Variants in ORAI2 observed in about 807,000 individuals in gnomAD.
ORAI2 encodes ORAI calcium release-activated calcium modulator 2, also known as protein orai-2.
A neutral mutation model predicts 16.2 loss-of-function variants in ORAI2; 10 were observed. The ratio of observed to expected loss-of-function variants is 0.62; its 90% CI spans 0.38 to 1.04. The LOEUF (loss-of-function observed/expected upper bound fraction) is 1.04, where lower values mean the gene tolerates loss of function less well. Among genes scored for constraint, ORAI2 ranks in the 50% least tolerant of loss-of-function variants. ORAI2 has a pLI of 0.01. For missense variants in ORAI2, 238 were observed against 355.5 expected (o/e 0.67, Z 2.66); for synonymous variants, 150 against 157.5 (o/e 0.95, Z 0.35).
rs1043811879 is a variant in ORAI2, at chr7:102,456,078, G to A, written c.*9026G>A. The stretch of plus-strand genomic sequence containing the variant: ...CATTTTGTCCCATAGTGGTGGGAGA[G>A]AGGGCTGGCCACATGGGTCCAGGCC... On this transcript the variant is annotated 3_prime_UTR_variant, in exon 4 of 4. Coordinates refer to ENST00000495936, the MANE Select transcript of ORAI2 (RefSeq NM_001126340.3). 1 of 153,470 alleles carries A rather than the reference G, an allele frequency of 6.5e-6. No homozygotes were observed. The highest frequency in any genetic ancestry group is 1.5e-5 in the Non-Finnish European group (1 of 68,060). The allele number at this position is 153,470 out of a possible 1,614,324, so 9.5% of individuals were successfully genotyped here.
At chr7:102,441,566 C>A (rs1300509241) in intron 3 of ORAI2, among the ~76,000 whole-genome samples, 3 of 149,332 alleles carry the variant, frequency 2.0e-5, no homozygotes, top group Admixed American at 6.7e-5. Context: ...AAAAAAAAAA[C>A]CAGAGGTGGC....
rs1797406824 is a variant in ORAI2 at position 102,447,663 on chromosome 7, G to C, written c.*611G>C. On this transcript the variant is annotated 3_prime_UTR_variant, in exon 4 of 4. Transcript: ENST00000495936. ...CAGCCCAGCAGGTGTGGGGGGTGCT[G>C]CAGCCCTCGGCAGTGGGGTCAGGCC... 1 of 153,040 alleles carries C rather than the reference G, an allele frequency of 6.5e-6. No individual in the cohort carries two copies. The highest frequency in any genetic ancestry group is 6.5e-5 in the Admixed American group (1 of 15,306). 9.5% of individuals were successfully genotyped at this position (153,040 alleles called of 1,614,324 possible). A position where few individuals can be genotyped will look rare whatever the true frequency, so the allele number is the denominator to read the frequency against.
intron 3 of ORAI2, among the ~76,000 whole-genome samples, chr7:102,441,284 G>A (rs1797191316): frequency 1.3e-5 from 2 of 149,404 alleles, no homozygotes; most frequent in South Asian, 4.5e-4. Flanking sequence ...GCTCACGCCT[G>A]TAATCCCAGC....
Position 102,436,930 on chromosome 7 carries a change from A to G in ORAI2, c.-14+597A>G, listed in dbSNP as rs956733386. Among the ~76,000 whole-genome samples the G allele has an allele frequency of 3.3e-5, 5 of 152,110 alleles. No homozygotes were observed. The East Asian group carries it at 9.7e-4, about 29-fold the overall frequency. Reference sequence around the variant, plus strand: ...TTCACCATGTTGGCCAGGCTGGAAAAGTCACTCTTTTTGATGTCAAGTAAA... The same window carrying G: ...TTCACCATGTTGGCCAGGCTGGAAAGGTCACTCTTTTTGATGTCAAGTAAA... On this transcript the variant is annotated intron_variant, in intron 2 of 3. Coordinates refer to ENST00000495936, the MANE Select transcript of ORAI2 (RefSeq NM_001126340.3).
intron 2 of ORAI2, among the ~76,000 whole-genome samples, chr7:102,436,721 C>CT (rs961335363): frequency 5.9e-5 from 9 of 151,720 alleles, no homozygotes; most frequent in African/African-American, 1.9e-4. Flanking sequence ...CTTTTCTTTT[C>CT]TTTTTTTGAG....
At chr7:102,442,505 A>G (rs968021184) in intron 3 of ORAI2, among the ~76,000 whole-genome samples, 1 of 151,928 alleles carries the variant, frequency 6.6e-6, no homozygotes, top group African/African-American at 2.4e-5. Context: ...TGGCTAACAC[A>G]GTGAAACCCC....
rs760393100 is a variant in ORAI2, at chr7:102,446,825, C to T, written c.538C>T (p.Arg180Cys). ...CAAGTTCCTCCCCGTGGATGCCCGGCGCCAGCCTGGCCCCCCACCTGGCCC... is the reference window on the plus strand; with the variant it reads ...CAAGTTCCTCCCCGTGGATGCCCGGTGCCAGCCTGGCCCCCCACCTGGCCC... Reference protein sequence around the residue: ...WIKFLPVDARRQPGPPPGPGS... With the variant: ...WIKFLPVDARCQPGPPPGPGS... Residue 180 changes from arginine to cysteine, a missense_variant, in exon 4 of 4, where the codon CGC becomes TGC. Transcript: ENST00000495936. 4.3e-6 allele frequency: 7 copies of T among 1,613,762 alleles called. No individual in the cohort carries two copies. In the African/African-American group the frequency reaches 5.3e-5, roughly 12 times the overall value.
In ORAI2 at chr7:102,439,167, T is replaced by C; in HGVS notation, c.211T>C (p.Ser71Pro). Residue 71 changes from serine to proline, a missense_variant, in exon 3 of 4, where the codon TCC becomes CCC. Around this residue, in one of 3 missense-constraint regions of ORAI2, gnomAD observed 176 missense variants for 265.9 expected, o/e 0.66. Transcript: ENST00000495936. ...KASSRTSALL[S>P]GFAMVAMVEV... ...CTCCAGCAGGACCTCCGCCCTCCTC[T>C]CCGGCTTTGCCATGGTGAGTGTGGG... 6.2e-7 allele frequency: 1 copy of C among 1,613,622 alleles called. No homozygotes were observed. The highest frequency in any genetic ancestry group is 8.5e-7 in the Non-Finnish European group (1 of 1,179,974).
At chr7:102,445,917 C>CTTTCTTTCCTTTCT (rs1198492654) in intron 3 of ORAI2, among the ~76,000 whole-genome samples, 1 of 140,354 alleles carries the variant, frequency 7.1e-6, no homozygotes, top group Non-Finnish European at 1.6e-5. Flanking sequence ...CTCTCTCTTT[C>CTTTCTTTCCTTTCT]TTTCTTTCCT....
chr7:102,451,941 C>T lies in ORAI2; in HGVS notation c.*4889C>T, dbSNP rs1319938307. 6.6e-6 allele frequency: 1 copy of T among 152,272 alleles called. No individual in the cohort carries two copies. Among genetic ancestry groups the T allele is most frequent in the African/African-American group, 2.4e-5 (1 of 41,466 alleles). 9.4% of individuals were successfully genotyped at this position (152,272 alleles called of 1,614,324 possible). A position where few individuals can be genotyped will look rare whatever the true frequency, so the allele number is the denominator to read the frequency against. On this transcript the variant is annotated 3_prime_UTR_variant, in exon 4 of 4. Coordinates refer to ENST00000495936, the MANE Select transcript of ORAI2 (RefSeq NM_001126340.3). The stretch of plus-strand genomic sequence containing the variant: ...CCAGAAACAAAAGAAGGGGCAGCCC[C>T]AGAGGGTGGCTGAGCGACAACAGAG...
chr7:102,446,568 T>C lies in ORAI2; in HGVS notation c.281T>C (p.Leu94Pro), dbSNP rs1465384567. Residue 94 changes from leucine (L) to proline (P), a missense_variant, in exon 4 of 4, where the codon CTG (leucine) becomes CCG (proline). Leu to Pro is a moderately conservative substitution (Grantham distance 98). Around this residue, in one of 3 missense-constraint regions of ORAI2, gnomAD observed 176 missense variants for 265.9 expected, o/e 0.66. Coordinates refer to ENST00000495936, the MANE Select transcript of ORAI2 (RefSeq NM_001126340.3). ...ETQYQYPRPL[L>P]IAFSACTTVL... ...CAGTACCAGTACCCGCGGCCGCTGC[T>C]GATTGCCTTCAGCGCCTGCACCACG... The C allele has an allele frequency of 6.2e-7, 1 of 1,613,298 alleles. No individual in the cohort carries two copies. The highest frequency in any genetic ancestry group is 8.5e-7 in the Non-Finnish European group (1 of 1,179,976).
intron 2 of ORAI2, among the ~76,000 whole-genome samples, chr7:102,438,262 C>T (rs746514833): frequency 6.7e-6 from 1 of 148,834 alleles, no homozygotes; most frequent in Non-Finnish European, 1.5e-5. Context: ...GCAGGAGAAT[C>T]GCTTGAAGCC....
At chr7:102,441,440 T>C (rs1344113909) in intron 3 of ORAI2, among the ~76,000 whole-genome samples, 1 of 149,936 alleles carries the variant, frequency 6.7e-6, no homozygotes, top group Admixed American at 6.7e-5. Flanking sequence ...CTCCAGAGGC[T>C]GAGACGGAGA....
rs1040370027 is a variant in ORAI2 at position 102,446,972 on chromosome 7, C to T, written c.685C>T (p.Arg229Cys). The change falls in exon 4 of 4, where the codon CGC becomes TGC. Residue 229 changes from arginine (R) to cysteine (C), a missense_variant. Physicochemically the swap from Arg to Cys is radical, Grantham distance 180. Around this residue, in one of 3 missense-constraint regions of ORAI2, gnomAD observed 176 missense variants for 265.9 expected, o/e 0.66. Coordinates refer to ENST00000495936, the MANE Select transcript of ORAI2 (RefSeq NM_001126340.3). ...CTCCCTGGTGCGCCACAAAACGGAGCGCCACAACCGCGAGATCGAGGAGCT... is the reference window on the plus strand; with the variant it reads ...CTCCCTGGTGCGCCACAAAACGGAGTGCCACAACCGCGAGATCGAGGAGCT... ...YRSLVRHKTERHNREIEELHK... is the reference protein window; with the variant it reads ...YRSLVRHKTECHNREIEELHK... The T allele has an allele frequency of 6.2e-7, 1 of 1,606,606 alleles. No individual in the cohort carries two copies.
In ORAI2 at chr7:102,439,169, C is replaced by T. The variant is rs748532215; in HGVS notation, c.213C>T (p.Ser71=). 13 of 1,613,546 alleles carry T rather than the reference C, an allele frequency of 8.1e-6. No homozygotes were observed. Among genetic ancestry groups the T allele is most frequent in the South Asian group, 4.4e-5 (4 of 91,082 alleles). The change falls in exon 3 of 4, where the codon TCC becomes TCT. Residue 71 remains serine, a synonymous_variant. Transcript: ENST00000495936. Reference sequence around the variant, plus strand: ...CCAGCAGGACCTCCGCCCTCCTCTCCGGCTTTGCCATGGTGAGTGTGGGCG... The same window carrying T: ...CCAGCAGGACCTCCGCCCTCCTCTCTGGCTTTGCCATGGTGAGTGTGGGCG... ...KASSRTSALL[S]GFAMVAMVEV...
chr7:102,447,288 G>A lies in ORAI2; in HGVS notation c.*236G>A, dbSNP rs1438574712. 3 of 550,292 alleles carry A rather than the reference G, an allele frequency of 5.5e-6. No individual in the cohort carries two copies. The highest frequency in any genetic ancestry group is 9.5e-6 in the Non-Finnish European group (3 of 316,846). The allele number at this position is 550,292 out of a possible 1,614,324, so 34.1% of individuals were successfully genotyped here. ...GCCAGGCTGGTTCCTTGGCCTCGGGGTTTCCTGGGTCGGGGACACGGTGAA... is the reference window on the plus strand; with the variant it reads ...GCCAGGCTGGTTCCTTGGCCTCGGGATTTCCTGGGTCGGGGACACGGTGAA... On this transcript the variant is annotated 3_prime_UTR_variant, in exon 4 of 4. Coordinates refer to ENST00000495936, the MANE Select transcript of ORAI2 (RefSeq NM_001126340.3).
chr7:102,438,839 G>A (rs1302848171), intron 2 of ORAI2, 105 bp from the exon 3 acceptor site: 5 of 1,004,632 alleles, frequency 5.0e-6, no homozygotes, highest in Middle Eastern at 2.1e-4. Context: ...GGGCTCTGGC[G>A]TGGGCTGTAT....
rs528889294 is a variant in ORAI2, at chr7:102,456,638, C to G, written c.*9586C>G. On this transcript the variant is annotated 3_prime_UTR_variant, in exon 4 of 4. Coordinates refer to ENST00000495936, the MANE Select transcript of ORAI2 (RefSeq NM_001126340.3). The stretch of plus-strand genomic sequence containing the variant: ...CTCACATCCCCCAACCCTCCCTGGG[C>G]GTGGGGGTGTCAAGCATGAGTCAGG... The G allele has an allele frequency of 1.3e-5, 2 of 152,172 alleles. No homozygotes were observed. 9.4% of individuals were successfully genotyped at this position (152,172 alleles called of 1,614,324 possible). A position where few individuals can be genotyped will look rare whatever the true frequency, so the allele number is the denominator to read the frequency against.
In ORAI2 at chr7:102,455,740, C is replaced by T. The variant is rs1038699273; in HGVS notation, c.*8688C>T. The T allele has an allele frequency of 1.3e-5, 2 of 151,622 alleles. No individual in the cohort carries two copies. The highest frequency in any genetic ancestry group is 2.9e-5 in the Non-Finnish European group (2 of 68,084). The allele number at this position is 151,622 out of a possible 1,614,324, so 9.4% of individuals were successfully genotyped here. On this transcript the variant is annotated 3_prime_UTR_variant, in exon 4 of 4. Coordinates refer to ENST00000495936, the MANE Select transcript of ORAI2 (RefSeq NM_001126340.3). ...TGGGGCCGTGATACTGGGAGGAAGC[C>T]GGGCTCTGTGCTCTTGCTCCAAGTG...
Sources: allele counts gnomAD v4.1 joint callset (sites outside exome capture counted in the v4.1 genomes callset), GRCh38; gene constraint gnomAD v4.1.1; regional missense constraint gnomAD v4.1.1; transcripts MANE v1.5; gene names NCBI Gene and HGNC (gene_info 2026-07-23, HGNC 2026-07-21).